ZNF69: variants seen among roughly 807,000 people sequenced by gnomAD.
ZNF69 encodes ZNF3.
A neutral mutation model predicts 50.9 loss-of-function variants in ZNF69; 47 were observed. The ratio of observed to expected loss-of-function variants is 0.92; its 90% CI spans 0.73 to 1.18. The LOEUF is 1.18. Ranked by LOEUF, ZNF69 falls within the 50% of genes most tolerant of loss-of-function variation. ZNF69 has a pLI of 0.00. For missense variants in ZNF69, 717 were observed against 675.1 expected (o/e 1.06, Z -0.69); for synonymous variants, 216 against 223.1 (o/e 0.97, Z 0.29).
At chr19:11,954,893 T>C in the ZNF69 span, among the ~76,000 whole-genome samples, 1 of 152,004 alleles carries the variant, frequency 6.6e-6, no homozygotes, top group Non-Finnish European at 1.5e-5. Context: ...GTAAATTGCA[T>C]TTTCATTACA....
At chr19:11,951,844 A>G in the ZNF69 span, among the ~76,000 whole-genome samples, 1 of 152,226 alleles carries the variant, frequency 6.6e-6, no homozygotes, top group Non-Finnish European at 1.5e-5. Context: ...ATCGTCTCAT[A>G]TGCCCGGTAT....
chr19:11,977,439 G>T, the ZNF69 span: 1 of 1,613,778 alleles, frequency 6.2e-7, no homozygotes, highest in South Asian at 1.1e-5. Flanking sequence ...CAGGTAATTG[G>T]CACTTAAAGA....
the ZNF69 span, among the ~76,000 whole-genome samples, chr19:11,968,507 G>T: frequency 6.6e-6 from 1 of 152,162 alleles, no homozygotes; most frequent in African/African-American, 2.4e-5. Flanking sequence ...CTCCAAAAGT[G>T]CTGGGATTAT....
At chr19:11,889,938 G>T (rs1213034796) in intron 1 of ZNF69, among the ~76,000 whole-genome samples, 1 of 152,196 alleles carries the variant, frequency 6.6e-6, no homozygotes, top group Non-Finnish European at 1.5e-5. Flanking sequence ...GCCTGGATGT[G>T]CAGGTAGGCC....
chr19:11,909,054 A>T (rs188344354), downstream of ZNF69, among the ~76,000 whole-genome samples: 177 of 152,384 alleles, frequency 1.2e-3, no homozygotes, highest in African/African-American at 4.1e-3. Flanking sequence ...CTCTATGGAA[A>T]TAAACTAGAA....
chr19:11,952,396 TG>T, the ZNF69 span, among the ~76,000 whole-genome samples: 1 of 152,238 alleles, frequency 6.6e-6, no homozygotes, highest in Non-Finnish European at 1.5e-5. Flanking sequence ...CTAATACAGT[TG>T]TGTAAATTGT....
chr19:11,911,899 A>G (rs986651452), intron 4 of ZNF69, among the ~76,000 whole-genome samples: 2 of 152,202 alleles, frequency 1.3e-5, no homozygotes, highest in Admixed American at 1.3e-4. Context: ...TATTCTGCCA[A>G]GTCATTTCAA....
the ZNF69 span, chr19:11,950,099 A>C: frequency 1.9e-6 from 3 of 1,614,182 alleles, no homozygotes; most frequent in South Asian, 3.3e-5. Context: ...AAGATTCTTC[A>C]AATACATGCA....
chr19:11,941,592 G>A, the ZNF69 span, among the ~76,000 whole-genome samples: 5 of 152,192 alleles, frequency 3.3e-5, no homozygotes, highest in Non-Finnish European at 7.4e-5. Context: ...TGCTCCGAGT[G>A]CGGGGCCGCC....
chr19:11,946,915 G>A, the ZNF69 span: 27,521 of 506,162 alleles, frequency 0.054, 1,690 homozygotes, highest in African/African-American at 0.24. Flanking sequence ...CAGGAGAATC[G>A]CTTGAACCCC....
chr19:11,946,991 A>AAAATAAAT, the ZNF69 span: 29 of 1,095,930 alleles, frequency 2.6e-5, no homozygotes, highest in Admixed American at 3.6e-5. Flanking sequence ...TCTGTCTCAA[A>AAAATAAAT]AAATAAATAA....
the ZNF69 span, among the ~76,000 whole-genome samples, chr19:11,953,653 A>G: frequency 6.6e-6 from 1 of 152,228 alleles, no homozygotes; most frequent in African/African-American, 2.4e-5. Context: ...AACTCTTCAC[A>G]AAGTCAGTGG....
the ZNF69 span, among the ~76,000 whole-genome samples, chr19:11,974,148 T>C: frequency 8.0e-6 from 1 of 124,886 alleles, no homozygotes; most frequent in African/African-American, 4.1e-5. Flanking sequence ...CTTTCTTTCT[T>C]TCTTTCTTTC....
the ZNF69 span, among the ~76,000 whole-genome samples, chr19:11,928,731 C>CAAAAAA: frequency 1.9e-5 from 1 of 53,450 alleles, no homozygotes; most frequent in Non-Finnish European, 3.9e-5. Context: ...GACTCCGTCT[C>CAAAAAA]AAAAAAAAAA....
chr19:11,892,049 C>A (rs903364908), intron 1 of ZNF69, among the ~76,000 whole-genome samples: 7 of 151,820 alleles, frequency 4.6e-5, no homozygotes, highest in Non-Finnish European at 5.9e-5. Context: ...GCGATCATGG[C>A]TTACTGCAGC....
At chr19:11,924,432 A>C in the ZNF69 span, among the ~76,000 whole-genome samples, 1 of 98,342 alleles carries the variant, frequency 1.0e-5, no homozygotes, top group Non-Finnish European at 1.8e-5. Flanking sequence ...ACTCCGTCTC[A>C]AAAAAAAAAA....
At chr19:11,960,196 T>A in the ZNF69 span, among the ~76,000 whole-genome samples, 1 of 152,112 alleles carries the variant, frequency 6.6e-6, no homozygotes, top group Non-Finnish European at 1.5e-5. Context: ...ATTTTTGTAT[T>A]TTTAGTAGAG....
chr19:11,906,384 G>C lies in ZNF69; in HGVS notation c.*286G>C. 3.0e-6 allele frequency: 2 copies of C among 669,570 alleles called. No homozygotes were observed. The highest frequency in any genetic ancestry group is 4.0e-6 in the Non-Finnish European group (2 of 494,450). 41.5% of individuals were successfully genotyped at this position (669,570 alleles called of 1,614,324 possible). On this transcript the variant is annotated 3_prime_UTR_variant, in exon 4 of 4. Coordinates refer to ENST00000429654, the MANE Select transcript of ZNF69 (RefSeq NM_001364730.1). ...AATGGACAGTCTGCCTCCTCAAGTG[G>C]GTCCCTGATCTCCAAGTAGCCTAAC... is the stretch of plus-strand genomic sequence containing the variant.
intron 1 of ZNF69, among the ~76,000 whole-genome samples, chr19:11,889,613 G>A (rs1184064184): frequency 2.0e-5 from 3 of 152,206 alleles, no homozygotes; most frequent in Non-Finnish European, 2.9e-5. Flanking sequence ...TTACAGGCAC[G>A]CACCTGAAGG....
Sources: allele counts gnomAD v4.1 joint callset (sites outside exome capture counted in the v4.1 genomes callset), GRCh38; gene constraint gnomAD v4.1.1; transcripts MANE v1.5; gene names NCBI Gene and HGNC (gene_info 2026-07-23, HGNC 2026-07-21).